The following ZBTB16 variants were observed in gnomAD, a reference collection of about 807,000 sequenced individuals.
ZBTB16 encodes zinc finger and BTB domain-containing protein 16.
In ZBTB16, 8 loss-of-function variants were observed where a neutral mutation model predicts 56.8. The ratio of observed to expected loss-of-function variants is 0.14; its 90% CI spans 0.08 to 0.25. The LOEUF (loss-of-function observed/expected upper bound fraction) is 0.25, where lower values mean the gene tolerates loss of function less well. ZBTB16 is among the 10% of genes least tolerant of loss of function. The pLI is 1.00. For synonymous variants in ZBTB16, 363 were observed against 368.5 expected, an observed-to-expected ratio of 0.98 and a Z score of 0.17; for missense variants, 625 against 903.0, an observed-to-expected ratio of 0.69 and a Z score of 3.95.
intron 5 of ZBTB16, among the ~76,000 whole-genome samples, chr11:114,244,919 A>G (rs2856244): frequency 0.69 from 105,387 of 152,022 alleles, 36,892 homozygotes; most frequent in East Asian, 0.81. Flanking sequence ...TACCGGCTCC[A>G]GCTGAAGTCT....
intron 2 of ZBTB16, among the ~76,000 whole-genome samples, chr11:114,074,711 G>A (rs1164087468): frequency 2.6e-5 from 4 of 152,214 alleles, no homozygotes; most frequent in African/African-American, 7.2e-5. Context: ...GGAGCTCGCC[G>A]TGCGAGGAAG....
chr11:114,166,794 G>A (rs565289448), intron 3 of ZBTB16, among the ~76,000 whole-genome samples: 1 of 152,282 alleles, frequency 6.6e-6, no homozygotes, highest in South Asian at 2.1e-4. Context: ...AGACCCCACT[G>A]AAGAACCTTT....
At chr11:114,157,114 T>C (rs1942435854) in intron 3 of ZBTB16, among the ~76,000 whole-genome samples, 2 of 152,192 alleles carry the variant, frequency 1.3e-5, no homozygotes, top group African/African-American at 4.8e-5. Flanking sequence ...TTAATTCCCT[T>C]GCCTTCCAAC....
chr11:114,100,604 G>T (rs963683857), intron 2 of ZBTB16, among the ~76,000 whole-genome samples: 3 of 152,094 alleles, frequency 2.0e-5, no homozygotes, highest in African/African-American at 7.2e-5. Flanking sequence ...CCTCCCTCTC[G>T]GGAGACTATG....
chr11:114,215,237 C>T (rs776840247), intron 4 of ZBTB16, among the ~76,000 whole-genome samples: 4 of 152,102 alleles, frequency 2.6e-5, no homozygotes, highest in Non-Finnish European at 5.9e-5. Flanking sequence ...TCAGTCTGGA[C>T]CTACACTGGC....
intron 4 of ZBTB16, among the ~76,000 whole-genome samples, chr11:114,218,504 C>T (rs778195429): frequency 1.3e-5 from 2 of 152,338 alleles, no homozygotes; most frequent in South Asian, 2.1e-4. Context: ...AGTGGCTTGG[C>T]ACTTCGGGAC....
rs1555159487 is a variant in ZBTB16 at position 114,233,078 on chromosome 11, C to CGCGCGT, written c.1454-9085_1454-9084insGTGCGC. On this transcript the variant is annotated intron_variant, in intron 4 of 6. Coordinates refer to ENST00000335953, the MANE Select transcript of ZBTB16 (RefSeq NM_006006.6). Reference sequence around the variant, plus strand: ...CTGCACATACGCATGCGCGCGCGCGCGCGCACACACACACACACACACACA... The same window carrying CGCGCGT: ...CTGCACATACGCATGCGCGCGCGCGCGCGCGTGCGCACACACACACACACACACACA... Among the ~76,000 whole-genome samples the CGCGCGT allele has an allele frequency of 5.9e-5, 2 of 33,814 alleles. 1 individual carries two copies. Among genetic ancestry groups the CGCGCGT allele is most frequent in the Non-Finnish European group, 1.4e-4 (2 of 14,628 alleles). The allele number at this position is 33,814 out of a possible 152,430, so 22.2% of individuals were successfully genotyped here. A position where few individuals can be genotyped will look rare whatever the true frequency, so the allele number is the denominator to read the frequency against.
chr11:114,082,624 A>G (rs1232969371), intron 2 of ZBTB16, among the ~76,000 whole-genome samples: 1 of 151,974 alleles, frequency 6.6e-6, no homozygotes, highest in East Asian at 1.9e-4. Context: ...TCTGAAAAGG[A>G]GTTTAGTGCG....
At position 114,063,388 on chromosome 11, in the gene ZBTB16, G is replaced by T; in HGVS notation, c.88G>T (p.Ala30Ser). 1 of 1,614,144 alleles carries T rather than the reference G, an allele frequency of 6.2e-7. No homozygotes were observed. Among genetic ancestry groups the T allele is most frequent in the Non-Finnish European group, 8.5e-7 (1 of 1,180,042 alleles). The change falls in exon 2 of 7, where the codon GCC becomes TCC. Residue 30 changes from alanine to serine, a missense_variant. Transcript: ENST00000335953. This position sits in a 1 kb window ranked among gnomAD's most constrained non-coding sequence, Gnocchi z 6.5. The stretch of plus-strand genomic sequence containing the variant: ...GTGCAAGGCCAACCAGATGCGGCTG[G>T]CCGGGACTTTGTGCGATGTGGTCAT... ...LLCKANQMRLAGTLCDVVIMV... is the reference protein window; with the variant it reads ...LLCKANQMRLSGTLCDVVIMV...
intron 2 of ZBTB16, among the ~76,000 whole-genome samples, chr11:114,137,606 G>A (rs530500310): frequency 6.6e-5 from 10 of 152,144 alleles, no homozygotes; most frequent in Non-Finnish European, 1.5e-4. Context: ...AGAGAGGCCC[G>A]GAGGCTTCCA....
At chr11:114,233,644 C>T (rs1389058745) in intron 4 of ZBTB16, among the ~76,000 whole-genome samples, 1 of 151,964 alleles carries the variant, frequency 6.6e-6, no homozygotes, top group Non-Finnish European at 1.5e-5. Flanking sequence ...TTTTTATCCA[C>T]CCCTTTTCTT....
intron 2 of ZBTB16, among the ~76,000 whole-genome samples, chr11:114,139,771 T>G (rs886461568): frequency 6.6e-6 from 1 of 151,844 alleles, no homozygotes; most frequent in Non-Finnish European, 1.5e-5. Flanking sequence ...CCAAACAGAG[T>G]GAGTGTCCGG....
intron 3 of ZBTB16, among the ~76,000 whole-genome samples, chr11:114,167,386 GTTT>G (rs200403454): frequency 1.1e-5 from 1 of 94,684 alleles, no homozygotes; most frequent in African/African-American, 5.7e-5. Flanking sequence ...GAGTTTTTTT[GTTT>G]TTTTTTTTTT....
At chr11:114,210,107 G>A (rs1943964790) in intron 4 of ZBTB16, 2 of 260,992 alleles carry the variant, frequency 7.7e-6, no homozygotes, top group Non-Finnish European at 6.0e-6. Context: ...TGCACTCTGT[G>A]AAACATTGCA....
intron 2 of ZBTB16, among the ~76,000 whole-genome samples, chr11:114,070,554 G>A (rs1939310531): frequency 6.6e-6 from 1 of 152,218 alleles, no homozygotes; most frequent in African/African-American, 2.4e-5. Context: ...TGGTCACACA[G>A]CTATAAATGG....
In ZBTB16 at chr11:114,064,545, TAAC is replaced by T; in HGVS notation, c.1246_1248del (p.Asn416del). The stretch of plus-strand genomic sequence containing the variant: ...GCGTGTGTGGGGTCGAGCTTCCTGA[TAAC>T]GAGGCTGTGGAGCAGCACAGGTAGG... On this transcript the variant is annotated inframe_deletion, in exon 2 of 7. Coordinates refer to ENST00000335953, the MANE Select transcript of ZBTB16 (RefSeq NM_006006.6). The surrounding 1 kb of genome is among the most constrained non-coding windows in gnomAD (Gnocchi z 4.2). The T allele has an allele frequency of 1.2e-6, 2 of 1,613,834 alleles. No individual in the cohort carries two copies. The highest frequency in any genetic ancestry group is 2.2e-5 in the South Asian group (2 of 91,072).
At chr11:114,100,283 A>G (rs936284478) in intron 2 of ZBTB16, among the ~76,000 whole-genome samples, 1 of 152,146 alleles carries the variant, frequency 6.6e-6, no homozygotes, top group Non-Finnish European at 1.5e-5. Flanking sequence ...GGTGACAGTT[A>G]AAATTGGATG....
chr11:114,116,329 A>G (rs571729660), intron 2 of ZBTB16, among the ~76,000 whole-genome samples: 38 of 152,310 alleles, frequency 2.5e-4, no homozygotes, highest in African/African-American at 9.1e-4. Context: ...ACTGGACCCC[A>G]GGTGTGTGTG....
rs1197606732 is a variant in ZBTB16, at chr11:114,252,302, C to T, written c.*1747C>T. 6.7e-6 allele frequency among the ~76,000 whole-genome samples: 1 copy of T among 150,230 alleles called. No individual in the cohort carries two copies. Among genetic ancestry groups the T allele is most frequent in the Non-Finnish European group, 1.5e-5 (1 of 67,932 alleles). On this transcript the variant is annotated 3_prime_UTR_variant, in exon 7 of 7. Coordinates refer to ENST00000335953, the MANE Select transcript of ZBTB16 (RefSeq NM_006006.6). ...GAGGTTTGAGGGCCTGTGTTTGGAT[C>T]CTTGCAACTGTGTGGTCTCACCTCT... is the stretch of plus-strand genomic sequence containing the variant.
Sources: gnomAD v4.1 joint callset for allele counts (sites outside exome capture counted in the v4.1 genomes callset) on GRCh38, gnomAD v4.1.1 for gene constraint, Gnocchi (gnomAD v3.1) non-coding constraint, MANE v1.5 for transcripts, NCBI Gene and HGNC (gene_info 2026-07-23, HGNC 2026-07-21) for gene names.